Variants in FANCB observed in about 807,000 individuals in gnomAD.
FANCB encodes Fanconi anemia group B protein.
FANCB carries 5 observed loss-of-function variants against 38.9 expected under a neutral mutation model. That is an observed-to-expected ratio of 0.13 (90% confidence interval 0.07 to 0.27). The LOEUF (loss-of-function observed/expected upper bound fraction) is 0.27, where lower values mean the gene tolerates loss of function less well. Ranked by LOEUF, FANCB falls within the 10% of genes least tolerant of loss-of-function variation. The pLI is 1.00. For synonymous variants in FANCB, 236 were observed against 215.4 expected (o/e 1.10, Z -0.84); for missense variants, 573 against 602.7 (o/e 0.95, Z 0.52).
rs2147446679 is a variant in FANCB at position 14,865,027 on chromosome X, T to G, written c.484A>C (p.Ser162Arg). ...ATAGAGGAAAAGTTACCTGACACACTAACAACTTTGCCAGTTTGAGAAGAG... is the reference window on the plus strand; with the variant it reads ...ATAGAGGAAAAGTTACCTGACACACGAACAACTTTGCCAGTTTGAGAAGAG... ...FISSQTGKVV[S>R]VSGNFSSIQW... Residue 162 changes from serine (S) to arginine (R), a missense_variant, in exon 3 of 10, where the codon AGT becomes CGT. By Grantham distance (110) the Ser-to-Arg change is moderately radical (BLOSUM62 -1). Coordinates refer to ENST00000650831, the MANE Select transcript of FANCB (RefSeq NM_001018113.3). 1.7e-6 allele frequency: 2 copies of G among 1,210,142 alleles called. No homozygotes were observed. Among genetic ancestry groups the G allele is most frequent in the East Asian group, 3.0e-5 (1 of 33,809 alleles).
intron 5 of FANCB, among the ~76,000 whole-genome samples, chrX:14,853,763 G>C (rs2092411956): frequency 9.0e-6 from 1 of 111,375 alleles, no homozygotes; most frequent in Non-Finnish European, 1.9e-5. Flanking sequence ...TAACAATTTG[G>C]CTCTGAACTG....
At chrX:14,833,081 C>A (rs191495465), downstream of FANCB, among the ~76,000 whole-genome samples, 1 of 112,202 alleles carries the variant, frequency 8.9e-6, no homozygotes, top group Admixed American at 9.4e-5. Context: ...AAGGCATGAA[C>A]AATAACCTAA....
intron 5 of FANCB, among the ~76,000 whole-genome samples, chrX:14,857,252 A>G (rs1199315516): frequency 8.9e-6 from 1 of 112,595 alleles, no homozygotes; most frequent in Admixed American, 9.4e-5. Flanking sequence ...AAGAACATAC[A>G]TCTTATAATC....
chrX:14,812,854 T>G, the FANCB span, among the ~76,000 whole-genome samples: 1 of 109,402 alleles, frequency 9.1e-6, no homozygotes, highest in Admixed American at 9.8e-5. Context: ...CGGGCAGAGA[T>G]ACAACCAAAA....
At chrX:14,700,501 G>C in the FANCB span, among the ~76,000 whole-genome samples, 4 of 111,747 alleles carry the variant, frequency 3.6e-5, no homozygotes, top group Admixed American at 9.5e-5. Flanking sequence ...TCAGAGGCTA[G>C]AAAAAGAAAC....
chrX:14,864,502 C>T, intron 3 of FANCB, 58 bp downstream of exon 3: 2 of 774,956 alleles, frequency 2.6e-6, no homozygotes. Flanking sequence ...ATGAACTATA[C>T]AAATGTTTAA....
chrX:14,808,646 T>C, the FANCB span, among the ~76,000 whole-genome samples: 1 of 112,330 alleles, frequency 8.9e-6, no homozygotes, highest in Non-Finnish European at 1.9e-5. Context: ...TCCTCTAAGA[T>C]GTGTAACATG....
At chrX:14,853,787 C>T (rs1026835794) in intron 5 of FANCB, among the ~76,000 whole-genome samples, 2 of 111,671 alleles carry the variant, frequency 1.8e-5, no homozygotes, top group African/African-American at 6.5e-5. Flanking sequence ...ATACAGCAAT[C>T]CATTCCTTTT....
At chrX:14,732,355 G>GTATC in the FANCB span, among the ~76,000 whole-genome samples, 2 of 111,959 alleles carry the variant, frequency 1.8e-5, no homozygotes, top group Non-Finnish European at 3.8e-5. Flanking sequence ...ATGTGTGCAT[G>GTATC]TATCTTTATA....
chrX:14,772,433 G>A, the FANCB span, among the ~76,000 whole-genome samples: 5 of 112,191 alleles, frequency 4.5e-5, no homozygotes, highest in Non-Finnish European at 9.4e-5. Context: ...TTCCTTATCT[G>A]GATTGTCTGT....
the FANCB span, among the ~76,000 whole-genome samples, chrX:14,776,977 G>A: frequency 8.9e-6 from 1 of 111,807 alleles, no homozygotes; most frequent in African/African-American, 3.3e-5. Context: ...AAGGAAAGAG[G>A]ATTACTGGGT....
chrX:14,772,459 C>T, the FANCB span, among the ~76,000 whole-genome samples: 657 of 112,373 alleles, frequency 5.8e-3, 3 homozygotes, highest in African/African-American at 0.02. Flanking sequence ...CCACAGCCAG[C>T]AGGCTGGAGT....
chrX:14,784,228 T>G, the FANCB span, among the ~76,000 whole-genome samples: 10 of 112,392 alleles, frequency 8.9e-5, no homozygotes, highest in East Asian at 1.7e-3. Flanking sequence ...GAAAAAGATA[T>G]ATCAAATGTA....
the FANCB span, among the ~76,000 whole-genome samples, chrX:14,783,306 AGTG>A: frequency 8.9e-6 from 1 of 112,156 alleles, no homozygotes; most frequent in African/African-American, 3.2e-5. Flanking sequence ...GAGCAAAGGC[AGTG>A]ACCTGGAAAG....
At chrX:14,833,674 T>TGG (rs56758477), downstream of FANCB, among the ~76,000 whole-genome samples, 14,703 of 103,558 alleles carry the variant, frequency 0.14, 1,113 homozygotes, top group Non-Finnish European at 0.21. Context: ...AGGCTGGGTG[T>TGG]GGGGGGGGTT....
intron 2 of FANCB, among the ~76,000 whole-genome samples, chrX:14,867,202 T>A (rs996371053): frequency 8.1e-5 from 9 of 111,310 alleles, no homozygotes; most frequent in African/African-American, 2.9e-4. Context: ...AAAATATCAA[T>A]GACATTCTTC....
chrX:14,693,968 A>C, the FANCB span, among the ~76,000 whole-genome samples: 1 of 112,132 alleles, frequency 8.9e-6, no homozygotes, highest in African/African-American at 3.2e-5. Context: ...ATATTTTATA[A>C]AGATGGAAAG....
chrX:14,733,672 A>G, the FANCB span, among the ~76,000 whole-genome samples: 1 of 111,826 alleles, frequency 8.9e-6, no homozygotes, highest in Non-Finnish European at 1.9e-5. Flanking sequence ...CTGTTTATCT[A>G]TTATTGATGT....
chrX:14,828,800 C>T, the FANCB span, among the ~76,000 whole-genome samples: 1 of 111,546 alleles, frequency 9.0e-6, no homozygotes, highest in Non-Finnish European at 1.9e-5. Flanking sequence ...CAGCCCTGTC[C>T]TCCCAGGCTC....
Sources: allele counts gnomAD v4.1 joint callset (sites outside exome capture counted in the v4.1 genomes callset), GRCh38; gene constraint gnomAD v4.1.1; transcripts MANE v1.5; gene names NCBI Gene and HGNC (gene_info 2026-07-23, HGNC 2026-07-21).